Variants in URM1 observed in about 807,000 individuals in gnomAD.
URM1 encodes ubiquitin related modifier 1.
Under a neutral mutation model 17.7 loss-of-function variants are expected in URM1, and 11 were observed. The observed-to-expected ratio is 0.62, with a 90% confidence interval of 0.39 to 1.03. URM1 has a LOEUF of 1.03. Among genes scored for constraint, URM1 ranks in the 50% least tolerant of loss-of-function variants. The probability of loss-of-function intolerance (pLI) is 0.00; values close to 1 mark genes in which losing one functional copy is unlikely to be tolerated. For synonymous variants in URM1, 48 were observed against 50.6 expected (o/e 0.95, Z 0.22); for missense variants, 128 against 129.2 (o/e 0.99, Z 0.04).
chr9:128,378,720 C>T (rs1252144162), intron 2 of URM1, among the ~76,000 whole-genome samples: 3 of 151,056 alleles, frequency 2.0e-5, no homozygotes, highest in Admixed American at 6.6e-5. Flanking sequence ...TTTGGGGGGC[C>T]GAGGCGGACG....
intron 2 of URM1, 112 bp downstream of exon 2, chr9:128,378,218 C>G (rs890380763): frequency 1.4e-6 from 1 of 732,032 alleles, no homozygotes; most frequent in Non-Finnish European, 2.2e-6. Flanking sequence ...GCTAAGCTGC[C>G]TCTCTAGCAG....
At chr9:128,378,266 G>A (rs906023064) in intron 2 of URM1, among the ~76,000 whole-genome samples, 160 bp downstream of exon 2, 6 of 151,822 alleles carry the variant, frequency 4.0e-5, no homozygotes, top group Non-Finnish European at 8.8e-5. Context: ...CGGCTGGGCC[G>A]GGTGGCTCAT....
intron 2 of URM1, among the ~76,000 whole-genome samples, chr9:128,380,463 T>C (rs899273205): frequency 6.6e-6 from 1 of 152,064 alleles, no homozygotes; most frequent in Non-Finnish European, 1.5e-5. Context: ...GTTTCTTAGT[T>C]TGACAGATGG....
intron 1 of URM1, 68 bp downstream of exon 1, chr9:128,371,483 T>C (rs1412053854): frequency 3.9e-6 from 6 of 1,538,356 alleles, no homozygotes; most frequent in Admixed American, 1.7e-5. Context: ...CCTTTCCTTC[T>C]GCCGTGGGGC....
intron 1 of URM1, among the ~76,000 whole-genome samples, chr9:128,374,072 T>A (rs1158906135): frequency 6.6e-6 from 1 of 152,092 alleles, no homozygotes; most frequent in Non-Finnish European, 1.5e-5. Context: ...TCAGTTGAGT[T>A]TGAATAGCAG....
chr9:128,387,795 G>C lies in URM1; in HGVS notation c.107-21G>C. On this transcript the variant is annotated intron_variant, in intron 2 of 4. Transcript: ENST00000372853. The surrounding 1 kb of genome is among the most constrained non-coding windows in gnomAD (Gnocchi z 4.3). ...TGCTATTTGGGTTTGACAAGAGTTT[G>C]TTCTGTGCATTCCTTTCCAGGGGAC... 6.2e-7 allele frequency: 1 copy of C among 1,614,092 alleles called. No homozygotes were observed. Among genetic ancestry groups the C allele is most frequent in the Middle Eastern group, 1.7e-4 (1 of 6,056 alleles).
intron 2 of URM1, 151 bp downstream of exon 2, chr9:128,378,257 G>A (rs962381957): frequency 1.2e-5 from 7 of 582,774 alleles, no homozygotes; most frequent in Admixed American, 3.9e-5. Context: ...GAGTCTACAC[G>A]GCTGGGCCGG....
intron 2 of URM1, among the ~76,000 whole-genome samples, chr9:128,379,481 A>G (rs1315244715): frequency 6.6e-6 from 1 of 151,658 alleles, no homozygotes; most frequent in African/African-American, 2.4e-5. Context: ...CTCCGTCTCA[A>G]AAAAAGAAAA....
chr9:128,383,444 C>T (rs898243859), intron 2 of URM1, among the ~76,000 whole-genome samples: 15 of 152,208 alleles, frequency 9.9e-5, no homozygotes, highest in African/African-American at 3.1e-4. Context: ...TCCGAAGAGC[C>T]GTCTTGGAGC....
rs569458464 is a variant in URM1 at position 128,372,097 on chromosome 9, G to C, written c.35+682G>C. ...ACACCAGTTACTGAAGAAACACAGAGCAGGGAGGAAGTCTACCCAAGGCAC... is the reference window on the plus strand; with the variant it reads ...ACACCAGTTACTGAAGAAACACAGACCAGGGAGGAAGTCTACCCAAGGCAC... On this transcript the variant is annotated intron_variant, in intron 1 of 4. Coordinates refer to ENST00000372853, the MANE Select transcript of URM1 (RefSeq NM_030914.4). Among the ~76,000 whole-genome samples the C allele has an allele frequency of 9.2e-5, 14 of 152,324 alleles. No individual in the cohort carries two copies. The South Asian group carries it at 2.9e-3, about 32-fold the overall frequency.
Position 128,387,016 on chromosome 9 carries a change from T to C in URM1, c.107-800T>C, listed in dbSNP as rs531317053. 2.6e-5 allele frequency among the ~76,000 whole-genome samples: 4 copies of C among 152,370 alleles called. No homozygotes were observed. In the East Asian group the frequency reaches 7.7e-4, roughly 29 times the overall value. On this transcript the variant is annotated intron_variant, in intron 2 of 4. Coordinates refer to ENST00000372853, the MANE Select transcript of URM1 (RefSeq NM_030914.4). This position sits in a 1 kb window ranked among gnomAD's most constrained non-coding sequence, Gnocchi z 4.3. ...TTTATAGAGCCACATTTCTGTGTGC[T>C]GTGGCCCGATACTGCTGCCCCTAGG... is the stretch of plus-strand genomic sequence containing the variant.
Position 128,391,471 on chromosome 9 carries a change from C to G in URM1, c.*1737C>G, listed in dbSNP as rs894682291. The G allele has an allele frequency of 2.0e-5, 3 of 152,254 alleles. No individual in the cohort carries two copies. The highest frequency in any genetic ancestry group is 7.2e-5 in the African/African-American group (3 of 41,416). 9.4% of individuals were successfully genotyped at this position (152,254 alleles called of 1,614,324 possible). A position where few individuals can be genotyped will look rare whatever the true frequency, so the allele number is the denominator to read the frequency against. On this transcript the variant is annotated 3_prime_UTR_variant, in exon 5 of 5. Transcript: ENST00000372853. ...GTCCAGAAAGGCTGTGTGACCAACC[C>G]TCACTAGTTCCTGAGGTCAGGGTCT...
chr9:128,374,095 A>G (rs1352081775), intron 1 of URM1, among the ~76,000 whole-genome samples: 3 of 152,170 alleles, frequency 2.0e-5, no homozygotes, highest in African/African-American at 7.2e-5. Flanking sequence ...CTTATAAGAC[A>G]TAAGAGAGTC....
intron 1 of URM1, among the ~76,000 whole-genome samples, chr9:128,376,319 G>A (rs997752248): frequency 1.5e-4 from 23 of 152,134 alleles, no homozygotes; most frequent in African/African-American, 5.5e-4. Context: ...CTGAGATCAC[G>A]CTACTGCACT....
chr9:128,389,006 C>G, intron 3 of URM1: 2 of 1,304,566 alleles, frequency 1.5e-6, no homozygotes, highest in Non-Finnish European at 1.9e-6. Context: ...AACAAAATGA[C>G]CTGCCCATGG....
chr9:128,386,857 G>A (rs1833234873), intron 2 of URM1, among the ~76,000 whole-genome samples: 1 of 152,226 alleles, frequency 6.6e-6, no homozygotes, highest in African/African-American at 2.4e-5. Context: ...CTGTCTGCTG[G>A]CTTCCCAGAG....
intron 2 of URM1, among the ~76,000 whole-genome samples, chr9:128,380,418 C>T (rs1317134460): frequency 6.6e-6 from 1 of 152,058 alleles, no homozygotes; most frequent in Non-Finnish European, 1.5e-5. Flanking sequence ...TTGTGTGTCC[C>T]TGGTCGAGGA....
intron 2 of URM1, among the ~76,000 whole-genome samples, chr9:128,381,849 C>A (rs1251296317): frequency 1.3e-5 from 2 of 152,224 alleles, no homozygotes; most frequent in Non-Finnish European, 2.9e-5. Flanking sequence ...AACCCATCAC[C>A]GTCTATCCCA....
rs771141426 is a variant in URM1 at position 128,387,859 on chromosome 9, A to G, written c.150A>G (p.Leu50=). The G allele has an allele frequency of 3.7e-6, 6 of 1,614,024 alleles. No individual in the cohort carries two copies. The highest frequency in any genetic ancestry group is 3.3e-5 in the Admixed American group (2 of 59,992). The part of the protein sequence containing the change: ...NLLIWIKKNL[L]KERPELFIQG... ...TCATCTGGATCAAGAAGAATTTGCT[A>G]AAAGAGCGGCCAGAGTTGTTCATCC... Residue 50 remains leucine (L), a synonymous_variant, in exon 3 of 5, where the codon CTA becomes CTG. Coordinates refer to ENST00000372853, the MANE Select transcript of URM1 (RefSeq NM_030914.4). The surrounding 1 kb of genome is among the most constrained non-coding windows in gnomAD (Gnocchi z 4.3).
Sources: allele counts gnomAD v4.1 joint callset (sites outside exome capture counted in the v4.1 genomes callset), GRCh38; gene constraint gnomAD v4.1.1; non-coding constraint Gnocchi (gnomAD v3.1); transcripts MANE v1.5; gene names NCBI Gene and HGNC (gene_info 2026-07-23, HGNC 2026-07-21).